PCCA: variants seen among roughly 807,000 people sequenced by gnomAD.
PCCA encodes the protein propionyl-CoA carboxylase subunit alpha, also known as propionyl-CoA carboxylase alpha chain, mitochondrial.
Under a neutral mutation model 101.3 loss-of-function variants are expected in PCCA, and 74 were observed. The ratio of observed to expected loss-of-function variants is 0.73; its 90% confidence interval spans 0.61 to 0.89. PCCA has a LOEUF of 0.89. Ranked by LOEUF, PCCA falls within the 40% of genes least tolerant of loss-of-function variation. The probability of loss-of-function intolerance (pLI) is 0.00; values close to 1 mark genes in which losing one functional copy is unlikely to be tolerated. For synonymous variants in PCCA, 294 were observed against 313.6 expected (o/e 0.94, Z 0.66); for missense variants, 891 against 907.0 (o/e 0.98, Z 0.23).
chr13:100,395,720 T>C (rs2077013493), intron 19 of PCCA, among the ~76,000 whole-genome samples: 1 of 152,236 alleles, frequency 6.6e-6, no homozygotes, highest in Admixed American at 6.5e-5. Context: ...GATTTTGTAA[T>C]GTTTTTATTT....
chr13:100,267,121 G>A lies in PCCA; in HGVS notation c.820-1568G>A, dbSNP rs558838292. On this transcript the variant is annotated intron_variant, in intron 10 of 23. Coordinates refer to ENST00000376285, the MANE Select transcript of PCCA (RefSeq NM_000282.4). ...TAGAGAAGAACAAACTCTTGATTCT[G>A]TATATGAATCTGATATTTTATAGTT... Among the ~76,000 whole-genome samples the A allele has an allele frequency of 7.9e-5, 12 of 152,236 alleles. No individual in the cohort carries two copies. The East Asian group carries it at 1.5e-3, about 20-fold the overall frequency.
At chr13:100,468,545 G>T (rs2082715964) in intron 21 of PCCA, among the ~76,000 whole-genome samples, 1 of 152,172 alleles carries the variant, frequency 6.6e-6, no homozygotes, top group African/African-American at 2.4e-5. Flanking sequence ...ACTTTGCCTT[G>T]CACTTTTATA....
chr13:100,524,979 A>AGATG lies in PCCA; in HGVS notation c.2041-2692_2041-2689dup, dbSNP rs60116605. ...AGGATAGACCGAGATTCTGTCTCTA[A>AGATG]GATGGATAGATAGATAGATAGATAG... is the stretch of plus-strand genomic sequence containing the variant. On this transcript the variant is annotated intron_variant, in intron 22 of 23. Transcript: ENST00000376285. 5.5e-3 allele frequency among the ~76,000 whole-genome samples: 756 copies of AGATG among 137,804 alleles called. 10 individuals carry two copies. The highest frequency in any genetic ancestry group is 0.019 in the African/African-American group (713 of 36,930). The allele number at this position is 137,804 out of a possible 152,430, so 90.4% of individuals were successfully genotyped here. A position where few individuals can be genotyped will look rare whatever the true frequency, so the allele number is the denominator to read the frequency against.
At chr13:100,297,277 C>G (rs1253487398) in intron 12 of PCCA, among the ~76,000 whole-genome samples, 2 of 152,148 alleles carry the variant, frequency 1.3e-5, no homozygotes, top group South Asian at 2.1e-4. Context: ...TACTTTGAGA[C>G]TCTATAAATA....
At chr13:100,342,884 G>T (rs1374365263) in intron 18 of PCCA, among the ~76,000 whole-genome samples, 1 of 151,150 alleles carries the variant, frequency 6.6e-6, no homozygotes, top group Admixed American at 6.6e-5. Context: ...ACCACGCCTG[G>T]CTAATTTCTG....
chr13:100,446,309 C>T (rs2080829336), intron 20 of PCCA, among the ~76,000 whole-genome samples: 1 of 152,102 alleles, frequency 6.6e-6, no homozygotes, highest in African/African-American at 2.4e-5. Context: ...GGATTACAGG[C>T]ATGAGCCACC....
intron 4 of PCCA, among the ~76,000 whole-genome samples, chr13:100,123,951 T>G (rs1051769137): frequency 3.3e-5 from 5 of 152,156 alleles, no homozygotes; most frequent in Non-Finnish European, 7.4e-5. Flanking sequence ...AAATGTTTAA[T>G]GGCTTTAGTG....
At chr13:100,288,297 T>C (rs1239993020) in intron 12 of PCCA, among the ~76,000 whole-genome samples, 1 of 152,034 alleles carries the variant, frequency 6.6e-6, no homozygotes, top group African/African-American at 2.4e-5. Flanking sequence ...GGTTTTTTGT[T>C]TGTTTGTTTA....
chr13:100,418,193 C>T (rs974656510), intron 19 of PCCA, among the ~76,000 whole-genome samples: 27 of 152,208 alleles, frequency 1.8e-4, no homozygotes, highest in Non-Finnish European at 1.2e-4. Context: ...ATTCTTCCAT[C>T]AGTCTCAAAC....
chr13:100,470,672 ATAAAAT>A (rs2082936105), intron 21 of PCCA, among the ~76,000 whole-genome samples: 1 of 152,054 alleles, frequency 6.6e-6, no homozygotes, highest in Non-Finnish European at 1.5e-5. Flanking sequence ...AAAATAAAAA[ATAAAAT>A]TAAATTAAAA....
At chr13:100,128,722 C>A (rs910577660) in intron 4 of PCCA, among the ~76,000 whole-genome samples, 1 of 152,108 alleles carries the variant, frequency 6.6e-6, no homozygotes, top group Non-Finnish European at 1.5e-5. Flanking sequence ...ATTTTTCAGT[C>A]CTCTTCTGTT....
chr13:100,221,337 A>C (rs138636549), intron 7 of PCCA, among the ~76,000 whole-genome samples: 1,561 of 152,348 alleles, frequency 0.01, 90 homozygotes, highest in Admixed American at 0.089. Context: ...GGGGTCGCTC[A>C]GTGGGCCTCA....
At chr13:100,406,066 G>A (rs1020478576) in intron 19 of PCCA, among the ~76,000 whole-genome samples, 2 of 151,972 alleles carry the variant, frequency 1.3e-5, no homozygotes, top group African/African-American at 4.8e-5. Context: ...CGCCCCACCA[G>A]AAAGTGACAT....
intron 7 of PCCA, among the ~76,000 whole-genome samples, chr13:100,210,322 CTGTT>C (rs1263713566): frequency 2.0e-5 from 3 of 152,176 alleles, no homozygotes; most frequent in East Asian, 1.9e-4. Flanking sequence ...GAGTGAGAAA[CTGTT>C]TGAGCATTGT....
intron 20 of PCCA, among the ~76,000 whole-genome samples, chr13:100,440,595 T>C (rs2080300529): frequency 6.6e-6 from 1 of 152,126 alleles, no homozygotes. Flanking sequence ...GCCTGTACTT[T>C]GCTGGTACAC....
chr13:100,277,823 A>G (rs1299886181), intron 12 of PCCA, among the ~76,000 whole-genome samples: 1 of 152,228 alleles, frequency 6.6e-6, no homozygotes, highest in African/African-American at 2.4e-5. Context: ...CCATTTTCAC[A>G]TGAATATAAT....
At chr13:100,320,048 T>C (rs143817542) in intron 16 of PCCA, among the ~76,000 whole-genome samples, 1 of 152,328 alleles carries the variant, frequency 6.6e-6, no homozygotes, top group East Asian at 1.9e-4. Context: ...TCACATCCCT[T>C]GTAAGTTGGA....
At chr13:100,318,213 T>C (rs2067585096) in intron 16 of PCCA, among the ~76,000 whole-genome samples, 1 of 152,160 alleles carries the variant, frequency 6.6e-6, no homozygotes, top group Non-Finnish European at 1.5e-5. Flanking sequence ...GCCTTTTCAC[T>C]GCACCCAGCA....
chr13:100,294,408 G>A lies in PCCA; in HGVS notation c.1066-7052G>A, dbSNP rs570141177. 1.1e-4 allele frequency among the ~76,000 whole-genome samples: 17 copies of A among 152,188 alleles called. No individual in the cohort carries two copies. The East Asian group carries it at 3.1e-3, about 28-fold the overall frequency. On this transcript the variant is annotated intron_variant, in intron 12 of 23. Coordinates refer to ENST00000376285, the MANE Select transcript of PCCA (RefSeq NM_000282.4). ...GTGATTATTATTCTTGGGGTCACCA[G>A]GGGAACCCTATAATAGAATCTGTTC...
Sources: allele counts gnomAD v4.1 joint callset (sites outside exome capture counted in the v4.1 genomes callset), GRCh38; gene constraint gnomAD v4.1.1; transcripts MANE v1.5; gene names NCBI Gene and HGNC (gene_info 2026-07-23, HGNC 2026-07-21).